The following TNKS variants were observed in gnomAD, a reference collection of about 807,000 sequenced individuals.
TNKS encodes the protein tankyrase.
In TNKS, 72 loss-of-function variants were observed where a neutral mutation model predicts 135.8. That is an observed-to-expected ratio of 0.53 (90% CI 0.44 to 0.64). TNKS has a LOEUF of 0.64. TNKS is among the 30% of genes least tolerant of loss of function. The pLI is 0.00. For missense variants in TNKS, 1,769 were observed against 1,674.0 expected, an observed-to-expected ratio of 1.06 and a Z score of -0.99; for synonymous variants, 849 against 649.3, an observed-to-expected ratio of 1.31 and a Z score of -4.68.
intron 3 of TNKS, among the ~76,000 whole-genome samples, chr8:9,630,509 T>G (rs1800248163): frequency 6.6e-6 from 1 of 152,200 alleles, no homozygotes; most frequent in South Asian, 2.1e-4. Flanking sequence ...TTTCAGCTGC[T>G]CTTAAATAAA....
At chr8:9,669,786 CTT>C (rs542363462) in intron 3 of TNKS, among the ~76,000 whole-genome samples, 2 of 150,876 alleles carry the variant, frequency 1.3e-5, no homozygotes, top group Admixed American at 6.7e-5. Flanking sequence ...ATTTAACAGT[CTT>C]TACTTCTTAT....
chr8:9,566,834 T>G (rs1221675967), intron 1 of TNKS, among the ~76,000 whole-genome samples: 1 of 151,542 alleles, frequency 6.6e-6, no homozygotes, highest in African/African-American at 2.4e-5. Flanking sequence ...GGTCTCGATC[T>G]CCTGCCCTCA....
chr8:9,653,530 G>C (rs1043428703), intron 3 of TNKS, among the ~76,000 whole-genome samples: 1 of 151,810 alleles, frequency 6.6e-6, no homozygotes, highest in Non-Finnish European at 1.5e-5. Flanking sequence ...AGAAGGGGAA[G>C]TGGGCACAAG....
chr8:9,679,579 A>G (rs77124519), intron 3 of TNKS, among the ~76,000 whole-genome samples: 10,118 of 152,186 alleles, frequency 0.066, 684 homozygotes, highest in East Asian at 0.22. Context: ...TTTGTCTCAG[A>G]ATGTATTATG....
At chr8:9,769,311 G>C (rs1807657977) in intron 25 of TNKS, among the ~76,000 whole-genome samples, 1 of 152,180 alleles carries the variant, frequency 6.6e-6, no homozygotes, top group South Asian at 2.1e-4. Flanking sequence ...TTCCCAGTCA[G>C]TCTTTCTTAC....
At chr8:9,770,394 ACAAAATAAAGGTAT>A in intron 26 of TNKS, 132 bp downstream of exon 26, 1 of 995,366 alleles carries the variant, frequency 1.0e-6, no homozygotes, top group South Asian at 2.0e-5. Flanking sequence ...TACTTCAGAT[ACAAAATAAAGGTAT>A]CAAAATAATT....
At chr8:9,735,787 G>A (rs372981511) in intron 17 of TNKS, among the ~76,000 whole-genome samples, 1 of 151,954 alleles carries the variant, frequency 6.6e-6, no homozygotes, top group African/African-American at 2.4e-5. Flanking sequence ...GTGACAGAGC[G>A]AGACTCTGAC....
At chr8:9,627,487 C>T (rs901261108) in intron 3 of TNKS, among the ~76,000 whole-genome samples, 2 of 152,114 alleles carry the variant, frequency 1.3e-5, no homozygotes, top group African/African-American at 4.8e-5. Flanking sequence ...AATGCTGTCT[C>T]CAGGTAGTGT....
rs756415332 is a variant in TNKS at position 9,734,941 on chromosome 8, T to A, written c.2390T>A (p.Ile797Asn). ...TTGGTAAAGGAAGGAGACACAGATA[T>A]TCAGGACTTACTGAGAGGGGATGCT... ...LDLVKEGDTD[I>N]QDLLRGDAAL... Residue 797 changes from isoleucine (I) to asparagine (N), a missense_variant, in exon 16 of 27, where the codon ATT becomes AAT. Ile to Asn is a moderately radical substitution (Grantham distance 149). Transcript: ENST00000310430. 1 of 1,614,162 alleles carries A rather than the reference T, an allele frequency of 6.2e-7. No individual in the cohort carries two copies. Among genetic ancestry groups the A allele is most frequent in the Non-Finnish European group, 8.5e-7 (1 of 1,180,020 alleles).
chr8:9,752,313 T>C (rs1185764385), intron 19 of TNKS, among the ~76,000 whole-genome samples: 2 of 152,098 alleles, frequency 1.3e-5, no homozygotes, highest in Non-Finnish European at 2.9e-5. Flanking sequence ...ATTCTAACCA[T>C]AATATTAGAA....
intron 3 of TNKS, among the ~76,000 whole-genome samples, chr8:9,660,904 T>C (rs1388313373): frequency 2.6e-5 from 4 of 151,698 alleles, no homozygotes; most frequent in African/African-American, 9.7e-5. Flanking sequence ...GGATACAAAA[T>C]CAATGTGCAA....
chr8:9,763,497 C>A (rs1309731248), intron 22 of TNKS, among the ~76,000 whole-genome samples: 4 of 152,030 alleles, frequency 2.6e-5, no homozygotes, highest in African/African-American at 7.2e-5. Flanking sequence ...GAATCTCATG[C>A]AAAATAAATA....
chr8:9,771,459 A>AAGGG (rs1302270835), intron 26 of TNKS, among the ~76,000 whole-genome samples: 10 of 128,828 alleles, frequency 7.8e-5, no homozygotes, highest in South Asian at 3.0e-4. Flanking sequence ...GAGAGAGAAG[A>AAGGG]AGGGAGGGAG....
In TNKS at chr8:9,583,843, A is replaced by G. The variant is rs541298687; in HGVS notation, c.898+3460A>G. The stretch of plus-strand genomic sequence containing the variant: ...GAATTTCATTTTAAAAGCAAATTAT[A>G]AGCATACTTTTCATGGAGTCTGATA... On this transcript the variant is annotated intron_variant, in intron 2 of 26. Transcript: ENST00000310430. Among the ~76,000 whole-genome samples, 51 of 151,996 alleles carry G rather than the reference A, an allele frequency of 3.4e-4. 1 individual carries two copies. The highest frequency in any genetic ancestry group is 1.2e-3 in the Admixed American group (19 of 15,276).
At chr8:9,616,867 G>C (rs1193485561) in intron 3 of TNKS, among the ~76,000 whole-genome samples, 1 of 152,074 alleles carries the variant, frequency 6.6e-6, no homozygotes, top group African/African-American at 2.4e-5. Flanking sequence ...AAAATACATA[G>C]CCTCGGGCCT....
intron 5 of TNKS, among the ~76,000 whole-genome samples, chr8:9,683,939 A>G (rs1802883907): frequency 6.6e-6 from 1 of 151,866 alleles, no homozygotes; most frequent in East Asian, 1.9e-4. Context: ...TACACTAGAA[A>G]TTTTATTGGC....
intron 3 of TNKS, among the ~76,000 whole-genome samples, chr8:9,636,864 A>G (rs967777491): frequency 1.3e-5 from 2 of 152,200 alleles, no homozygotes; most frequent in Non-Finnish European, 2.9e-5. Context: ...TATGACTGCA[A>G]TATGTAAGTA....
intron 3 of TNKS, among the ~76,000 whole-genome samples, chr8:9,674,036 G>A (rs1300282082): frequency 6.6e-6 from 1 of 152,214 alleles, no homozygotes; most frequent in East Asian, 1.9e-4. Flanking sequence ...TTGTTTAACT[G>A]CTTACTCTAC....
chr8:9,669,384 G>C (rs1802162528), intron 3 of TNKS, among the ~76,000 whole-genome samples: 1 of 141,436 alleles, frequency 7.1e-6, no homozygotes, highest in Non-Finnish European at 1.5e-5. Context: ...CGCCACTGCA[G>C]TCCGCAGTCC....
Sources: allele counts gnomAD v4.1 joint callset (sites outside exome capture counted in the v4.1 genomes callset), GRCh38; gene constraint gnomAD v4.1.1; transcripts MANE v1.5; gene names NCBI Gene and HGNC (gene_info 2026-07-23, HGNC 2026-07-21).